The following ARL13B variants were observed in gnomAD, a reference collection of about 807,000 sequenced individuals.
ARL13B encodes the protein ADP-ribosylation factor-like protein 13B.
Under a neutral mutation model 56.1 loss-of-function variants are expected in ARL13B, and 36 were observed. The observed-to-expected ratio is 0.64, with a 90% confidence interval of 0.49 to 0.85. The LOEUF is 0.85. Among genes scored for constraint, ARL13B ranks in the 40% least tolerant of loss-of-function variants. ARL13B has a pLI of 0.00. For missense variants in ARL13B, 519 were observed against 507.1 expected (o/e 1.02, Z -0.23); for synonymous variants, 178 against 171.1 (o/e 1.04, Z -0.32).
rs73846078 is a variant in ARL13B, at chr3:94,037,513, C to T, written c.689+759C>T. Among the ~76,000 whole-genome samples the T allele has an allele frequency of 5.2e-3, 798 of 152,254 alleles. 5 individuals are homozygous for T. The highest frequency in any genetic ancestry group is 0.014 in the African/African-American group (568 of 41,550). On this transcript the variant is annotated intron_variant, in intron 5 of 9. Coordinates refer to ENST00000394222, the MANE Select transcript of ARL13B (RefSeq NM_001174150.2). Reference sequence around the variant, plus strand: ...AGAAATGACTCTCTATCCCCAAGTGCTCAATAATATGAGCGTGCCTTTCAT... The same window carrying T: ...AGAAATGACTCTCTATCCCCAAGTGTTCAATAATATGAGCGTGCCTTTCAT...
chr3:94,018,595 A>G (rs2076381885), intron 3 of ARL13B, among the ~76,000 whole-genome samples: 1 of 152,008 alleles, frequency 6.6e-6, no homozygotes, highest in Non-Finnish European at 1.5e-5. Flanking sequence ...CTGATGACCC[A>G]AATTTGTATC....
At chr3:93,999,639 C>T (rs902182273) in intron 2 of ARL13B, among the ~76,000 whole-genome samples, 4 of 152,034 alleles carry the variant, frequency 2.6e-5, no homozygotes, top group Non-Finnish European at 5.9e-5. Flanking sequence ...GCCTGTTGTG[C>T]TTTCAAATAC....
chr3:94,005,016 T>C (rs1190905056), intron 3 of ARL13B, among the ~76,000 whole-genome samples: 1 of 152,190 alleles, frequency 6.6e-6, no homozygotes, highest in Non-Finnish European at 1.5e-5. Flanking sequence ...AACAATATTA[T>C]GTGCTTTTTT....
At chr3:94,027,207 T>C (rs547874149) in intron 3 of ARL13B, among the ~76,000 whole-genome samples, 1 of 152,160 alleles carries the variant, frequency 6.6e-6, no homozygotes, top group East Asian at 1.9e-4. Flanking sequence ...TGCCACATTT[T>C]TCTAGTGCAA....
rs193219215 is a variant in ARL13B at position 94,036,633 on chromosome 3, A to G, written c.568A>G (p.Ile190Val). ...KKGLYWLLHV[I>V]ARDFDALNER... is the part of the protein sequence containing the mutation. ...AGGCCTTTATTGGCTGCTACATGTT[A>G]TTGCAAGAGACTTTGATGCCTTAAA... The change falls in exon 5 of 10, where the codon ATT becomes GTT. Residue 190 changes from isoleucine to valine, a missense_variant. Transcript: ENST00000394222. The G allele has an allele frequency of 1.0e-4, 162 of 1,614,134 alleles. 1 individual carries two copies. In the East Asian group the frequency reaches 3.4e-3, roughly 34 times the overall value.
intron 1 of ARL13B, chr3:93,988,749 C>G (rs1341513617): frequency 4.6e-6 from 2 of 437,418 alleles, no homozygotes; most frequent in African/African-American, 4.2e-5. Flanking sequence ...CCACTTTGGC[C>G]TGTTTTCCCT....
At chr3:94,053,034 G>C (rs760658594) in intron 9 of ARL13B, among the ~76,000 whole-genome samples, 153 bp from the exon 10 acceptor site, 1 of 152,186 alleles carries the variant, frequency 6.6e-6, no homozygotes, top group Admixed American at 6.5e-5. Context: ...GCACGAGAGA[G>C]AAGGAAATCT....
chr3:94,015,003 C>T lies in ARL13B; in HGVS notation c.380+11095C>T. 2 of 1,614,006 alleles carry T rather than the reference C, an allele frequency of 1.2e-6. 1 individual carries two copies. ...TCTCCTTTGTAATGGTAGACTCTCT[C>T]TTAAGTAGACTAAACCTTCTCATTG... On this transcript the variant is annotated intron_variant, in intron 3 of 9. Coordinates refer to ENST00000394222, the MANE Select transcript of ARL13B (RefSeq NM_001174150.2).
At chr3:93,997,391 C>A (rs2075985352) in intron 2 of ARL13B, among the ~76,000 whole-genome samples, 1 of 152,080 alleles carries the variant, frequency 6.6e-6, no homozygotes, top group Non-Finnish European at 1.5e-5. Flanking sequence ...AGTGGAAGGG[C>A]ATTTATTAAT....
At chr3:94,036,862 G>A in intron 5 of ARL13B, 108 bp downstream of exon 5, 1 of 1,248,346 alleles carries the variant, frequency 8.0e-7, no homozygotes, top group Non-Finnish European at 1.1e-6. Flanking sequence ...TCTGTGTGAA[G>A]GAAGACACTA....
chr3:94,038,668 C>A (rs2076811508), intron 5 of ARL13B, among the ~76,000 whole-genome samples: 1 of 151,828 alleles, frequency 6.6e-6, no homozygotes, highest in Admixed American at 6.6e-5. Context: ...GGATAACAGG[C>A]ATGCACCACC....
intron 7 of ARL13B, among the ~76,000 whole-genome samples, chr3:94,046,851 A>G (rs955025374): frequency 6.6e-6 from 1 of 152,124 alleles, no homozygotes; most frequent in Non-Finnish European, 1.5e-5. Context: ...AAAATCTTCA[A>G]CTTATAATTG....
intron 3 of ARL13B, among the ~76,000 whole-genome samples, chr3:94,010,638 ATTAAG>A (rs2076208632): frequency 6.6e-6 from 1 of 152,038 alleles, no homozygotes; most frequent in South Asian, 2.1e-4. Flanking sequence ...GCTACAACTA[ATTAAG>A]TTATCATGTT....
Position 94,053,950 on chromosome 3 carries a change from CAG to C in ARL13B, c.*689_*690del, listed in dbSNP as rs1218577214. 3 of 333,852 alleles carry C rather than the reference CAG, an allele frequency of 9.0e-6. No individual in the cohort carries two copies. In the East Asian group the frequency reaches 2.4e-4, roughly 26 times the overall value. 20.7% of individuals were successfully genotyped at this position (333,852 alleles called of 1,614,324 possible). On this transcript the variant is annotated 3_prime_UTR_variant, in exon 10 of 10. Transcript: ENST00000394222. ...ATATATTTTCGAAGTAGTAGATTCT[CAG>C]ATCTTTATTCTAACAATTACATGAT...
chr3:94,018,127 GGC>G (rs2076370687), intron 3 of ARL13B, among the ~76,000 whole-genome samples: 1 of 152,024 alleles, frequency 6.6e-6, no homozygotes, highest in African/African-American at 2.4e-5. Flanking sequence ...TGAACTCCTG[GGC>G]TCAAGCCATC....
chr3:94,033,944 T>C (rs1210790010), intron 3 of ARL13B, among the ~76,000 whole-genome samples: 1 of 152,008 alleles, frequency 6.6e-6, no homozygotes, highest in East Asian at 1.9e-4. Context: ...ACAAATGTCA[T>C]GGGAGGAAAA....
intron 3 of ARL13B, chr3:94,015,369 C>A: frequency 1.0e-6 from 1 of 974,136 alleles, no homozygotes; most frequent in Non-Finnish European, 1.4e-6. Flanking sequence ...TGTCTATATC[C>A]CAGCAAAAGT....
At chr3:93,998,997 C>A (rs1048480041) in intron 2 of ARL13B, among the ~76,000 whole-genome samples, 1 of 151,030 alleles carries the variant, frequency 6.6e-6, no homozygotes, top group Non-Finnish European at 1.5e-5. Flanking sequence ...ATGTGTCTAC[C>A]TCTCCTCTGA....
chr3:93,992,612 CAG>C (rs1163354142), intron 1 of ARL13B, among the ~76,000 whole-genome samples: 1 of 152,080 alleles, frequency 6.6e-6, no homozygotes, highest in Admixed American at 6.5e-5. Flanking sequence ...TAGTAGAAAA[CAG>C]AGATTTATTC....
Sources: gnomAD v4.1 joint callset for allele counts (sites outside exome capture counted in the v4.1 genomes callset) on GRCh38, gnomAD v4.1.1 for gene constraint, MANE v1.5 for transcripts, NCBI Gene and HGNC (gene_info 2026-07-23, HGNC 2026-07-21) for gene names.